Variants in NDUFS7 observed in about 807,000 individuals in gnomAD.
NDUFS7 encodes the protein NADH dehydrogenase [ubiquinone] iron-sulfur protein 7, mitochondrial.
A neutral mutation model predicts 31.1 loss-of-function variants in NDUFS7; 11 were observed. The observed-to-expected ratio is 0.35, with a 90% CI of 0.22 to 0.59. The LOEUF is 0.59. Ranked by LOEUF, NDUFS7 falls within the 20% of genes least tolerant of loss-of-function variation. NDUFS7 has a pLI of 0.79. For missense variants in NDUFS7, 263 were observed against 324.2 expected (o/e 0.81, Z 1.45); for synonymous variants, 136 against 127.9 (o/e 1.06, Z -0.43).
chr19:1,384,219 C>T, intron 1 of NDUFS7: 1 of 488,514 alleles, frequency 2.0e-6, no homozygotes, highest in Non-Finnish European at 3.6e-6. Context: ...GGAGGGGCCC[C>T]ATTCACGTCC....
intron 1 of NDUFS7, 28 bp from the exon 2 acceptor site, chr19:1,387,783 T>C (rs1452556278): frequency 6.2e-7 from 1 of 1,609,336 alleles, no homozygotes. Context: ...CGCAGCTCAC[T>C]GTTCCCACCC....
chr19:1,395,302 A>G lies in NDUFS7; in HGVS notation c.545-89A>G, dbSNP rs79526322. The stretch of plus-strand genomic sequence containing the variant: ...TCCACCTTCAGAGGCCGGCCCGGGA[A>G]ACCCTTCCAAAGCCGAGCCGGCTGC... On this transcript the variant is annotated intron_variant, in intron 7 of 7. Transcript: ENST00000233627. 0.055 allele frequency: 83,287 copies of G among 1,515,754 alleles called. 6,752 individuals are homozygous for G. Among genetic ancestry groups the G allele is most frequent in the African/African-American group, 0.29 (20,713 of 72,518 alleles). 93.9% of individuals were successfully genotyped at this position (1,515,754 alleles called of 1,614,324 possible).
At chr19:1,385,393 A>G (rs2082500889) in intron 1 of NDUFS7, among the ~76,000 whole-genome samples, 1 of 151,808 alleles carries the variant, frequency 6.6e-6, no homozygotes, top group Admixed American at 6.6e-5. Context: ...GCATGCCTGT[A>G]ATCGCAGCTA....
intron 1 of NDUFS7, 97 bp from the exon 2 acceptor site, chr19:1,387,714 A>T: frequency 9.1e-7 from 1 of 1,100,518 alleles, no homozygotes; most frequent in Non-Finnish European, 1.4e-6. Flanking sequence ...GATCAGAGCT[A>T]GGCTGTGCGG....
chr19:1,395,466 T>C lies in NDUFS7; in HGVS notation c.620T>C (p.Leu207Pro), dbSNP rs2010716987. Residue 207 changes from leucine to proline, a missense_variant, in exon 8 of 8, where the codon CTG (leucine) becomes CCG (proline). Coordinates refer to ENST00000233627, the MANE Select transcript of NDUFS7 (RefSeq NM_024407.5). ...AGGAAGATCAAGCGGGAGCGGAGGCTGCAGATCTGGTACCGCAGGTAGCGC... is the reference window on the plus strand; with the variant it reads ...AGGAAGATCAAGCGGGAGCGGAGGCCGCAGATCTGGTACCGCAGGTAGCGC... ...LQRKIKRERR[L>P]QIWYRR is the part of the protein sequence containing the mutation. The C allele has an allele frequency of 6.3e-7, 1 of 1,595,270 alleles. No homozygotes were observed. Among genetic ancestry groups the C allele is most frequent in the Non-Finnish European group, 8.5e-7 (1 of 1,173,010 alleles).
chr19:1,388,774 C>T (rs748404828), intron 3 of NDUFS7, 59 bp from the exon 4 acceptor site: 18 of 1,524,610 alleles, frequency 1.2e-5, no homozygotes, highest in African/African-American at 5.5e-5. Context: ...GGCTCGCATC[C>T]GCCTCTGGGA....
chr19:1,390,784 G>A (rs2082549661), intron 4 of NDUFS7, 87 bp from the exon 5 acceptor site: 4 of 1,463,718 alleles, frequency 2.7e-6, no homozygotes, highest in Admixed American at 1.9e-5. Flanking sequence ...GACATGAGTC[G>A]GGGGTTCTGG....
At chr19:1,388,465 C>T in intron 2 of NDUFS7, 60 bp from the exon 3 acceptor site, 14 of 1,475,742 alleles carry the variant, frequency 9.5e-6, no homozygotes, top group South Asian at 2.3e-5. Context: ...ACAGTGAGTG[C>T]GGCTGGGGGA....
Position 1,393,516 on chromosome 19 carries a change from A to G in NDUFS7, c.544+186A>G. On this transcript the variant is annotated intron_variant, in intron 7 of 7. Coordinates refer to ENST00000233627, the MANE Select transcript of NDUFS7 (RefSeq NM_024407.5). The surrounding 1 kb of genome is among the most constrained non-coding windows in gnomAD (Gnocchi z 7.3). Reference sequence around the variant, plus strand: ...GTCCCCTGTGAGAAGTCGGCGATGTATTCAGGCATCAGAGGGATCAGAGGG... The same window carrying G: ...GTCCCCTGTGAGAAGTCGGCGATGTGTTCAGGCATCAGAGGGATCAGAGGG... 1.4e-6 allele frequency: 1 copy of G among 690,756 alleles called. No homozygotes were observed. Among genetic ancestry groups the G allele is most frequent in the Admixed American group, 2.0e-5 (1 of 49,448 alleles). 42.8% of individuals were successfully genotyped at this position (690,756 alleles called of 1,614,324 possible). A position where few individuals can be genotyped will look rare whatever the true frequency, so the allele number is the denominator to read the frequency against.
intron 7 of NDUFS7, chr19:1,394,253 C>G: frequency 1.3e-6 from 1 of 763,692 alleles, no homozygotes; most frequent in South Asian, 1.5e-5. Context: ...GTTCAGGTCA[C>G]CCCGGGGGCA....
chr19:1,388,128 C>CT (rs1669712595), intron 2 of NDUFS7: 4 of 599,654 alleles, frequency 6.7e-6, no homozygotes, highest in Admixed American at 2.8e-5. Context: ...AAGGCATTCT[C>CT]TGAGCCCTGT....
In NDUFS7 at chr19:1,393,746, G is replaced by T; in HGVS notation, c.544+416G>T. ...CCCGGGGTGGCCGGATTTGGCAAAT[G>T]AAAACGTGGGAGGCTTAGTTTGACT... On this transcript the variant is annotated intron_variant, in intron 7 of 7. Coordinates refer to ENST00000233627, the MANE Select transcript of NDUFS7 (RefSeq NM_024407.5). This position sits in a 1 kb window ranked among gnomAD's most constrained non-coding sequence, Gnocchi z 7.3. The T allele has an allele frequency of 2.0e-6, 1 of 503,370 alleles. No individual in the cohort carries two copies. Among genetic ancestry groups the T allele is most frequent in the East Asian group, 3.4e-5 (1 of 29,152 alleles). 31.2% of individuals were successfully genotyped at this position (503,370 alleles called of 1,614,324 possible). A position where few individuals can be genotyped will look rare whatever the true frequency, so the allele number is the denominator to read the frequency against.
intron 7 of NDUFS7, chr19:1,395,165 C>G: frequency 7.1e-7 from 1 of 1,414,072 alleles, no homozygotes; most frequent in Non-Finnish European, 9.2e-7. Flanking sequence ...GGATGAGCCA[C>G]GGGTGGAGGG....
intron 2 of NDUFS7, 57 bp from the exon 3 acceptor site, chr19:1,388,468 C>T: frequency 2.0e-6 from 3 of 1,503,398 alleles, no homozygotes; most frequent in Non-Finnish European, 2.8e-6. Flanking sequence ...GTGAGTGCGG[C>T]TGGGGGAGCT....
Position 1,387,807 on chromosome 19 carries a change from G to A in NDUFS7, c.17-4G>A. On this transcript the variant is annotated splice_region_variant and splice_polypyrimidine_tract_variant and intron_variant, in intron 1 of 7. Transcript: ENST00000233627. The stretch of plus-strand genomic sequence containing the variant: ...CTGTTCCCACCCCGTGGTCCTCTCT[G>A]CAGCTCCTGGCCTGCGCGGCTTCCG... 1 of 1,611,662 alleles carries A rather than the reference G, an allele frequency of 6.2e-7. No homozygotes were observed. The highest frequency in any genetic ancestry group is 8.5e-7 in the Non-Finnish European group (1 of 1,179,868).
intron 1 of NDUFS7, among the ~76,000 whole-genome samples, chr19:1,384,819 A>G (rs984106027): frequency 6.6e-6 from 1 of 152,098 alleles, no homozygotes; most frequent in Non-Finnish European, 1.5e-5. Flanking sequence ...AGAATTTTTT[A>G]TTTATTTATT....
rs1260820274 is a variant in NDUFS7 at position 1,390,622 on chromosome 19, C to T, written c.229-249C>T. The T allele has an allele frequency of 2.5e-5, 15 of 588,384 alleles. No homozygotes were observed. In the South Asian group the frequency reaches 2.6e-4, roughly 10 times the overall value. The allele number at this position is 588,384 out of a possible 1,614,324, so 36.4% of individuals were successfully genotyped here. A position where few individuals can be genotyped will look rare whatever the true frequency, so the allele number is the denominator to read the frequency against. ...GGTGGGACTTAGGATACACTGGGTT[C>T]GAGGAACTATGTGATGAGGACAGAT... On this transcript the variant is annotated intron_variant, in intron 4 of 7. Coordinates refer to ENST00000233627, the MANE Select transcript of NDUFS7 (RefSeq NM_024407.5).
At chr19:1,390,826 G>A (rs761134484) in intron 4 of NDUFS7, 45 bp from the exon 5 acceptor site, 8 of 1,593,196 alleles carry the variant, frequency 5.0e-6, no homozygotes, top group Admixed American at 3.4e-5. Context: ...GCTGGGCCAC[G>A]CGGGGCTCCG....
intron 4 of NDUFS7, 53 bp downstream of exon 4, chr19:1,388,991 C>G (rs1350596628): frequency 7.0e-7 from 1 of 1,431,176 alleles, no homozygotes; most frequent in Non-Finnish European, 9.7e-7. Flanking sequence ...TCTCTGCACA[C>G]TCACAGGCAC....
Sources: allele counts gnomAD v4.1 joint callset (sites outside exome capture counted in the v4.1 genomes callset), GRCh38; gene constraint gnomAD v4.1.1; non-coding constraint Gnocchi (gnomAD v3.1); transcripts MANE v1.5; gene names NCBI Gene and HGNC (gene_info 2026-07-23, HGNC 2026-07-21).